Variants in SLC36A1 observed in about 807,000 individuals in gnomAD.
SLC36A1 encodes the protein proton-coupled amino acid transporter 1.
SLC36A1 carries 30 observed loss-of-function variants against 47.5 expected under a neutral mutation model. The observed-to-expected ratio is 0.63, with a 90% CI of 0.47 to 0.86. The LOEUF is 0.86. Ranked by LOEUF, SLC36A1 falls within the 40% of genes least tolerant of loss-of-function variation. SLC36A1 has a pLI of 0.00. For synonymous variants in SLC36A1, 255 were observed against 249.7 expected (o/e 1.02, Z -0.20); for missense variants, 517 against 606.0 (o/e 0.85, Z 1.54).
chr5:151,467,586 A>G lies in SLC36A1; in HGVS notation c.505-121A>G, dbSNP rs375054964. ...TCTCTAAAGATGGCTCACTGGCCAC[A>G]GATTCTAAAAGGCCTTGTTCACACA... On this transcript the variant is annotated intron_variant, in intron 6 of 10. Coordinates refer to ENST00000243389, the MANE Select transcript of SLC36A1 (RefSeq NM_078483.4). 7.5e-6 allele frequency: 6 copies of G among 801,476 alleles called. No individual in the cohort carries two copies. The African/African-American group carries it at 1.0e-4, about 14-fold the overall frequency. 49.6% of individuals were successfully genotyped at this position (801,476 alleles called of 1,614,324 possible). A position where few individuals can be genotyped will look rare whatever the true frequency, so the allele number is the denominator to read the frequency against.
chr5:151,360,233 T>C, the SLC36A1 span, among the ~76,000 whole-genome samples: 1 of 152,318 alleles, frequency 6.6e-6, no homozygotes, highest in East Asian at 1.9e-4. Flanking sequence ...TTTTCACTTC[T>C]CCAAAACTTA....
At chr5:151,543,299 A>G in the SLC36A1 span, 2 of 1,614,198 alleles carry the variant, frequency 1.2e-6, no homozygotes, top group Non-Finnish European at 1.7e-6. Flanking sequence ...TCTGCATCAT[A>G]GGCCAACACC....
chr5:151,486,618 G>T (rs1029608445), intron 10 of SLC36A1, among the ~76,000 whole-genome samples: 6 of 152,216 alleles, frequency 3.9e-5, no homozygotes, highest in Non-Finnish European at 5.9e-5. Context: ...CACCAGTGTG[G>T]TGCCTTCCTT....
At chr5:151,344,959 C>A in the SLC36A1 span, among the ~76,000 whole-genome samples, 3 of 152,224 alleles carry the variant, frequency 2.0e-5, no homozygotes, top group South Asian at 2.1e-4. Context: ...AGGGATTGGG[C>A]TCCAGAGGGA....
chr5:151,542,207 G>A, the SLC36A1 span: 1 of 1,415,574 alleles, frequency 7.1e-7, no homozygotes, highest in South Asian at 1.4e-5. Context: ...TCCAGGACAT[G>A]AACCCATTTT....
the SLC36A1 span, chr5:151,521,266 T>A: frequency 6.3e-7 from 1 of 1,595,466 alleles, no homozygotes; most frequent in Non-Finnish European, 8.6e-7. Context: ...AGGGAAGATG[T>A]AGTACTTACC....
the SLC36A1 span, among the ~76,000 whole-genome samples, chr5:151,367,874 G>T: frequency 6.6e-6 from 1 of 152,184 alleles, no homozygotes; most frequent in Non-Finnish European, 1.5e-5. Flanking sequence ...GCACTGAGGG[G>T]AATCTCCTTG....
the SLC36A1 span, chr5:151,506,193 G>C: frequency 7.4e-7 from 1 of 1,342,528 alleles, no homozygotes; most frequent in African/African-American, 1.5e-5. Flanking sequence ...GAGTGGTGGA[G>C]ATGGGAGTGG....
the SLC36A1 span, chr5:151,531,671 G>T: frequency 1.2e-6 from 2 of 1,613,810 alleles, no homozygotes; most frequent in Non-Finnish European, 1.7e-6. This position sits in a 1 kb window ranked among gnomAD's most constrained non-coding sequence, Gnocchi z 5.7. Context: ...GGGCGAGTGA[G>T]GGTGGCCAGC....
At chr5:151,551,712 A>T in the SLC36A1 span, 1 of 1,185,916 alleles carries the variant, frequency 8.4e-7, no homozygotes, top group Non-Finnish European at 1.2e-6. Context: ...GGTAAATTCC[A>T]CAGTACAAGA....
intron 10 of SLC36A1, among the ~76,000 whole-genome samples, chr5:151,481,280 A>G (rs764285363): frequency 3.3e-5 from 5 of 152,144 alleles, no homozygotes; most frequent in Non-Finnish European, 7.3e-5. Context: ...GTGACTTAGC[A>G]TTGCATTGTC....
At chr5:151,463,715 T>C in intron 3 of SLC36A1, 72 bp downstream of exon 3, 1 of 1,182,698 alleles carries the variant, frequency 8.5e-7, no homozygotes, top group Non-Finnish European at 1.3e-6. Flanking sequence ...TGTTAAAATG[T>C]ACTTGCTTTA....
At chr5:151,492,848 G>A (rs1760222286), downstream of SLC36A1, among the ~76,000 whole-genome samples, 1 of 152,234 alleles carries the variant, frequency 6.6e-6, no homozygotes, top group Admixed American at 6.5e-5. Flanking sequence ...TTAGAACAAA[G>A]CTGAGGTTTC....
the SLC36A1 span, among the ~76,000 whole-genome samples, chr5:151,419,667 G>A: frequency 6.6e-6 from 1 of 152,208 alleles, no homozygotes. Flanking sequence ...CAGTATGTCT[G>A]GGTGGGGCTG....
downstream of SLC36A1, among the ~76,000 whole-genome samples, chr5:151,494,283 T>G (rs556056829): frequency 6.6e-6 from 1 of 152,270 alleles, no homozygotes; most frequent in Non-Finnish European, 1.5e-5. Flanking sequence ...TGGCCATTGG[T>G]CTCCTTTTTT....
chr5:151,527,138 A>G, the SLC36A1 span: 1 of 1,268,286 alleles, frequency 7.9e-7, no homozygotes, highest in South Asian at 1.4e-5. Flanking sequence ...AGTCACAGTC[A>G]TTGTTCATGT....
chr5:151,545,895 C>A, the SLC36A1 span: 29 of 1,614,046 alleles, frequency 1.8e-5, no homozygotes, highest in Non-Finnish European at 2.5e-5. Context: ...TGTCAACCAC[C>A]ACCATGACAT....
downstream of SLC36A1, among the ~76,000 whole-genome samples, chr5:151,495,091 T>C (rs1434498517): frequency 6.6e-6 from 1 of 152,226 alleles, no homozygotes; most frequent in African/African-American, 2.4e-5. Context: ...GGCCGTTCCT[T>C]GTTGGATTCC....
At chr5:151,528,625 G>C in the SLC36A1 span, among the ~76,000 whole-genome samples, 1 of 152,118 alleles carries the variant, frequency 6.6e-6, no homozygotes, top group Non-Finnish European at 1.5e-5. Context: ...TTTGGGGAAA[G>C]GTAGATATTC....
Sources: gnomAD v4.1 joint callset for allele counts (sites outside exome capture counted in the v4.1 genomes callset) on GRCh38, gnomAD v4.1.1 for gene constraint, Gnocchi (gnomAD v3.1) non-coding constraint, MANE v1.5 for transcripts, NCBI Gene and HGNC (gene_info 2026-07-23, HGNC 2026-07-21) for gene names.